The following KCNT2 variants were observed in gnomAD, a reference collection of about 807,000 sequenced individuals.
KCNT2 encodes potassium channel subfamily T member 2.
A neutral mutation model predicts 153.8 loss-of-function variants in KCNT2; 67 were observed. The observed-to-expected ratio is 0.44, with a 90% CI of 0.36 to 0.53. The LOEUF (loss-of-function observed/expected upper bound fraction) is 0.53. Among genes scored for constraint, KCNT2 ranks in the 20% least tolerant of loss-of-function variants. The pLI, the probability that KCNT2 is intolerant of heterozygous loss-of-function variation, is 0.00. For missense variants in KCNT2, 975 were observed against 1,354.8 expected (o/e 0.72, Z 4.40); for synonymous variants, 500 against 458.8 (o/e 1.09, Z -1.15).
intron 12 of KCNT2, among the ~76,000 whole-genome samples, chr1:196,421,270 T>C (rs1673179832): frequency 6.6e-6 from 1 of 152,076 alleles, no homozygotes; most frequent in Non-Finnish European, 1.5e-5. Context: ...TGCATTTGAT[T>C]AACTAAAACC....
intron 14 of KCNT2, among the ~76,000 whole-genome samples, chr1:196,366,251 C>G (rs529696700): frequency 6.6e-6 from 1 of 151,912 alleles, no homozygotes. Flanking sequence ...CCTCTGCCTC[C>G]TGGGTTCAAG....
chr1:196,524,932 T>C (rs1653976641), intron 1 of KCNT2, among the ~76,000 whole-genome samples: 1 of 152,176 alleles, frequency 6.6e-6, no homozygotes, highest in African/African-American at 2.4e-5. Context: ...ATGAGTATTA[T>C]AGAATCTTCA....
intron 12 of KCNT2, among the ~76,000 whole-genome samples, chr1:196,416,097 T>G (rs1198771659): frequency 1.3e-5 from 2 of 152,010 alleles, no homozygotes; most frequent in African/African-American, 4.8e-5. Flanking sequence ...GAATTATCCT[T>G]TTGTCCAGTA....
At chr1:196,467,659 G>T in intron 7 of KCNT2, 44 bp downstream of exon 7, 2 of 1,248,890 alleles carry the variant, frequency 1.6e-6, no homozygotes, top group Admixed American at 1.8e-5. Flanking sequence ...AATAAGAAAT[G>T]GTTTAAAAAT....
intron 14 of KCNT2, among the ~76,000 whole-genome samples, chr1:196,344,043 G>A (rs1027466782): frequency 2.6e-5 from 4 of 152,176 alleles, no homozygotes; most frequent in African/African-American, 9.7e-5. Context: ...GCCTCCCAAA[G>A]TGCTGGGATT....
intron 26 of KCNT2, chr1:196,257,693 A>G (rs1656635687): frequency 1.0e-6 from 1 of 982,626 alleles, no homozygotes. Context: ...TTGGCACTAT[A>G]TGAGATAAAG....
rs80318722 is a variant in KCNT2 at position 196,428,750 on chromosome 1, G to A, written c.820-481C>T. Among the ~76,000 whole-genome samples, 678 of 152,130 alleles carry A rather than the reference G, an allele frequency of 4.5e-3. 3 individuals are homozygous for A. Among genetic ancestry groups the A allele is most frequent in the South Asian group, 0.023 (111 of 4,818 alleles). ...GAAGAAAGACATGCATGAATTTATCGGAGCAGGAAGGCCATTTTTGCAGGT... is the reference window on the plus strand; with the variant it reads ...GAAGAAAGACATGCATGAATTTATCAGAGCAGGAAGGCCATTTTTGCAGGT... On this transcript the variant is annotated intron_variant, in intron 9 of 27. Coordinates refer to ENST00000294725, the MANE Select transcript of KCNT2 (RefSeq NM_198503.5).
intron 12 of KCNT2, among the ~76,000 whole-genome samples, chr1:196,416,219 T>C (rs781553985): frequency 6.6e-6 from 1 of 151,950 alleles, no homozygotes; most frequent in African/African-American, 2.4e-5. Context: ...TTATTTTACT[T>C]AGTGGCCCAA....
Position 196,258,386 on chromosome 1 carries a change from G to A in KCNT2, c.3019C>T (p.His1007Tyr). ...RNSTSSDQSDHPLLRRKSMQW... is the reference protein window; with the variant it reads ...RNSTSSDQSDYPLLRRKSMQW... ...ATGCTTTTTCTCCGCAGCAAGGGAT[G>A]GTCCGACTGATCACTGGATGTTGAG... Residue 1007 changes from histidine (H) to tyrosine (Y), a missense_variant, in exon 26 of 28, where the codon CAT becomes TAT. By Grantham distance (83) the His-to-Tyr change is moderately conservative. Transcript: ENST00000294725. The A allele has an allele frequency of 6.2e-7, 1 of 1,613,992 alleles. No homozygotes were observed. Among genetic ancestry groups the A allele is most frequent in the Non-Finnish European group, 8.5e-7 (1 of 1,179,998 alleles).
At position 196,342,245 on chromosome 1, in the gene KCNT2, C is replaced by G. The variant is rs1018425368; in HGVS notation, c.1404-17G>C. 6.3e-7 allele frequency: 1 copy of G among 1,589,686 alleles called. No individual in the cohort carries two copies. Among genetic ancestry groups the G allele is most frequent in the East Asian group, 2.3e-5 (1 of 44,106 alleles). On this transcript the variant is annotated splice_polypyrimidine_tract_variant and intron_variant, in intron 14 of 27. Coordinates refer to ENST00000294725, the MANE Select transcript of KCNT2 (RefSeq NM_198503.5). Reference sequence around the variant, plus strand: ...TGGCCTTCTCTGCAACACAGGCACACACACATACACACACACAAAAAGAAA... The same window carrying G: ...TGGCCTTCTCTGCAACACAGGCACAGACACATACACACACACAAAAAGAAA...
intron 1 of KCNT2, among the ~76,000 whole-genome samples, chr1:196,526,235 T>C (rs972648279): frequency 6.6e-6 from 1 of 151,826 alleles, no homozygotes; most frequent in Admixed American, 6.6e-5. Flanking sequence ...TGTTCATGTA[T>C]AATTTATATA....
chr1:196,401,762 A>C (rs1039549234), intron 12 of KCNT2, among the ~76,000 whole-genome samples: 8 of 151,712 alleles, frequency 5.3e-5, no homozygotes, highest in Non-Finnish European at 1.2e-4. Flanking sequence ...AAAAACTAGC[A>C]GAAAATGATT....
At chr1:196,301,226 T>C (rs868408423) in intron 22 of KCNT2, among the ~76,000 whole-genome samples, 2 of 152,126 alleles carry the variant, frequency 1.3e-5, no homozygotes, top group Non-Finnish European at 2.9e-5. Flanking sequence ...CTGAAGATCA[T>C]TTACTATGTG....
intron 17 of KCNT2, among the ~76,000 whole-genome samples, chr1:196,333,083 C>T (rs1664647243): frequency 6.6e-6 from 1 of 151,402 alleles, no homozygotes; most frequent in Admixed American, 6.6e-5. Context: ...AGCCACTGTG[C>T]CCAGCTGCAA....
At chr1:196,392,006 A>C (rs900307849) in intron 13 of KCNT2, among the ~76,000 whole-genome samples, 3 of 151,406 alleles carry the variant, frequency 2.0e-5, no homozygotes, top group Non-Finnish European at 3.0e-5. Context: ...CCATAAAATT[A>C]TTATTGACCA....
chr1:196,470,440 T>C (rs79086723), intron 5 of KCNT2, among the ~76,000 whole-genome samples: 1,730 of 152,300 alleles, frequency 0.011, 28 homozygotes, highest in South Asian at 0.071. Context: ...AAAAATGGTT[T>C]ACACTCAGTA....
chr1:196,379,441 G>A (rs1669269602), intron 13 of KCNT2, among the ~76,000 whole-genome samples: 1 of 151,978 alleles, frequency 6.6e-6, no homozygotes, highest in African/African-American at 2.4e-5. Flanking sequence ...GCGTGGTTGT[G>A]CATGCCTGTC....
At chr1:196,432,287 G>C (rs1413005963) in intron 8 of KCNT2, among the ~76,000 whole-genome samples, 2 of 152,144 alleles carry the variant, frequency 1.3e-5, no homozygotes, top group Non-Finnish European at 2.9e-5. Context: ...GGCCAAGAAA[G>C]AGAACTACCA....
chr1:196,387,803 C>A (rs934723008), intron 13 of KCNT2, among the ~76,000 whole-genome samples: 12 of 151,762 alleles, frequency 7.9e-5, no homozygotes, highest in African/African-American at 2.9e-4. Flanking sequence ...TCTTTATATA[C>A]GTTTGGATTC....
Sources: gnomAD v4.1 joint callset for allele counts (sites outside exome capture counted in the v4.1 genomes callset) on GRCh38, gnomAD v4.1.1 for gene constraint, MANE v1.5 for transcripts, NCBI Gene and HGNC (gene_info 2026-07-23, HGNC 2026-07-21) for gene names.